CACNA1A: variants seen among roughly 807,000 people sequenced by gnomAD.
The protein encoded by CACNA1A is voltage-dependent P/Q-type calcium channel subunit alpha-1A.
In CACNA1A, 57 loss-of-function variants were observed where a neutral mutation model predicts 262.4. The ratio of observed to expected loss-of-function variants is 0.22; its 90% CI spans 0.18 to 0.27. The LOEUF is 0.27. CACNA1A is among the 10% of genes least tolerant of loss of function. The pLI, the probability that CACNA1A is intolerant of heterozygous loss-of-function variation, is 1.00. For missense variants in CACNA1A, 2,526 were observed against 3,562.8 expected (o/e 0.71, Z 7.41); for synonymous variants, 1,431 against 1,419.3 (o/e 1.01, Z -0.18).
Position 13,506,207 on chromosome 19 carries a change from G to A in CACNA1A, c.18C>T (p.Asp6=). The part of the protein sequence containing the change: MARFG[D]EMPARYGGGG... ...CTCCCCCGTAGCGGGCCGGCATCTC[G>A]TCTCCGAAGCGGGCCATTCTGCAAA... Residue 6 remains aspartate, a synonymous_variant, in exon 1 of 47, where the codon GAC becomes GAT. Coordinates refer to ENST00000360228, the MANE Select transcript of CACNA1A (RefSeq NM_001127222.2). 2.0e-6 allele frequency: 3 copies of A among 1,490,018 alleles called. No individual in the cohort carries two copies. Among genetic ancestry groups the A allele is most frequent in the Non-Finnish European group, 8.9e-7 (1 of 1,126,534 alleles). The allele number at this position is 1,490,018 out of a possible 1,614,324, so 92.3% of individuals were successfully genotyped here. A position where few individuals can be genotyped will look rare whatever the true frequency, so the allele number is the denominator to read the frequency against.
At chr19:13,228,794 C>A (rs141565870) in intron 36 of CACNA1A, 1 of 1,572,256 alleles carries the variant, frequency 6.4e-7, no homozygotes, top group East Asian at 2.4e-5. Flanking sequence ...TGAATCCGAC[C>A]GCTGAAAGGA....
chr19:13,381,222 TA>T (rs1176383658), intron 3 of CACNA1A, among the ~76,000 whole-genome samples: 1 of 151,336 alleles, frequency 6.6e-6, no homozygotes, highest in African/African-American at 2.4e-5. Flanking sequence ...TTGTCGCTAT[TA>T]AAAAAAATAA....
chr19:13,246,635 T>G (rs4926241), intron 30 of CACNA1A, among the ~76,000 whole-genome samples: 67,384 of 131,658 alleles, frequency 0.51, 15,308 homozygotes, highest in Middle Eastern at 0.59. Flanking sequence ...CTGTTTGTTT[T>G]TTTTTTTTGA....
intron 40 of CACNA1A, chr19:13,213,667 A>C (rs2054897022): frequency 7.3e-6 from 1 of 136,444 alleles, no homozygotes; most frequent in Non-Finnish European, 1.5e-5. Context: ...TGTCCTTGGC[A>C]AGAACTTTTT....
intron 4 of CACNA1A, among the ~76,000 whole-genome samples, chr19:13,367,755 C>A (rs1442831599): frequency 6.6e-6 from 1 of 151,926 alleles, no homozygotes; most frequent in Non-Finnish European, 1.5e-5. Flanking sequence ...GGAACAGTCC[C>A]CGAAGGGACA....
intron 19 of CACNA1A, among the ~76,000 whole-genome samples, chr19:13,297,305 C>CT (rs2057684111): frequency 6.6e-6 from 1 of 152,302 alleles, no homozygotes; most frequent in Admixed American, 6.5e-5. Flanking sequence ...AATAGTTTCC[C>CT]TGAAATGCTC....
chr19:13,240,585 G>A (rs930840609), intron 31 of CACNA1A, among the ~76,000 whole-genome samples: 9 of 151,428 alleles, frequency 5.9e-5, no homozygotes, highest in South Asian at 4.2e-4. Flanking sequence ...CAGTTTCTGC[G>A]TGCAGTGACT....
chr19:13,254,365 T>C (rs889605266), intron 29 of CACNA1A, among the ~76,000 whole-genome samples: 53 of 151,832 alleles, frequency 3.5e-4, no homozygotes, highest in Non-Finnish European at 6.6e-4. Flanking sequence ...TTCTTTTTCT[T>C]TTCTTTTTTT....
intron 6 of CACNA1A, among the ~76,000 whole-genome samples, chr19:13,356,588 G>A (rs972398823): frequency 2.0e-5 from 3 of 152,088 alleles, no homozygotes; most frequent in African/African-American, 7.2e-5. Flanking sequence ...CACTGGGCAC[G>A]CCCCCAGCAT....
Position 13,212,461 on chromosome 19 carries a change from TCTC to T in CACNA1A, c.6109_6111del (p.Glu2037del). On this transcript the variant is annotated inframe_deletion, in exon 42 of 47. Transcript: ENST00000360228. The surrounding 1 kb of genome is among the most constrained non-coding windows in gnomAD (Gnocchi z 5.6). ...CTCCATGTGCCCGTCTTCTGGAACA[TCTC>T]CTGGGCACGCTGGGTCACCCAGGAC... 3 of 1,607,210 alleles carry T rather than the reference TCTC, an allele frequency of 1.9e-6. No homozygotes were observed. The highest frequency in any genetic ancestry group is 8.5e-7 in the Non-Finnish European group (1 of 1,177,082).
chr19:13,332,829 C>A (rs2145125672), intron 9 of CACNA1A, 40 bp downstream of exon 9: 1 of 1,433,042 alleles, frequency 7.0e-7, no homozygotes, highest in Admixed American at 1.7e-5. Flanking sequence ...TCTCCCTTCT[C>A]CCCTGGGACC....
chr19:13,458,901 G>T (rs991342639), intron 1 of CACNA1A, among the ~76,000 whole-genome samples: 1 of 152,206 alleles, frequency 6.6e-6, no homozygotes, highest in Non-Finnish European at 1.5e-5. Flanking sequence ...GAGTGAAAAA[G>T]CCATAGGGTG....
At chr19:13,287,903 A>G (rs1338401864) in intron 19 of CACNA1A, among the ~76,000 whole-genome samples, 3 of 149,686 alleles carry the variant, frequency 2.0e-5, no homozygotes, top group Non-Finnish European at 3.0e-5. Flanking sequence ...TCTGGGCTCC[A>G]GTGATCCTCC....
At chr19:13,389,987 T>G (rs1294193732) in intron 3 of CACNA1A, among the ~76,000 whole-genome samples, 1 of 150,500 alleles carries the variant, frequency 6.6e-6, no homozygotes, top group African/African-American at 2.5e-5. Context: ...TAATTTTTTT[T>G]TATTTTTAGT....
At chr19:13,390,175 G>A (rs769789873) in intron 3 of CACNA1A, among the ~76,000 whole-genome samples, 5 of 151,652 alleles carry the variant, frequency 3.3e-5, no homozygotes, top group African/African-American at 7.3e-5. Context: ...GGAGTGCAGC[G>A]GTGCGCTCAT....
At chr19:13,268,582 A>G (rs377047076) in intron 24 of CACNA1A, among the ~76,000 whole-genome samples, 125 of 151,554 alleles carry the variant, frequency 8.2e-4, no homozygotes, top group African/African-American at 8.0e-4. Context: ...ACAGGCGCCC[A>G]CCACCACGCC....
intron 6 of CACNA1A, among the ~76,000 whole-genome samples, chr19:13,338,986 C>T (rs1439536914): frequency 1.3e-5 from 2 of 152,128 alleles, no homozygotes; most frequent in Admixed American, 1.3e-4. Flanking sequence ...TTGCCTCAGC[C>T]TCCTGAGTAG....
intron 10 of CACNA1A, among the ~76,000 whole-genome samples, chr19:13,325,052 C>A (rs1465469428): frequency 6.6e-6 from 1 of 150,684 alleles, no homozygotes; most frequent in Non-Finnish European, 1.5e-5. Flanking sequence ...TCTTCCTCTT[C>A]CCCTTCCCCT....
Position 13,391,953 on chromosome 19 carries a change from C to T in CACNA1A, c.540-20174G>A, listed in dbSNP as rs544670492. On this transcript the variant is annotated intron_variant, in intron 3 of 46. Transcript: ENST00000360228. Reference sequence around the variant, plus strand: ...TCGGGAGGCTGAGGTGGGAGAATCGCATGAGCCCGGGAGGTCAAGGCTGCA... The same window carrying T: ...TCGGGAGGCTGAGGTGGGAGAATCGTATGAGCCCGGGAGGTCAAGGCTGCA... Among the ~76,000 whole-genome samples the T allele has an allele frequency of 2.7e-5, 4 of 149,124 alleles. No homozygotes were observed. The South Asian group carries it at 8.4e-4, about 31-fold the overall frequency.
Sources: allele counts gnomAD v4.1 joint callset (sites outside exome capture counted in the v4.1 genomes callset), GRCh38; gene constraint gnomAD v4.1.1; non-coding constraint Gnocchi (gnomAD v3.1); transcripts MANE v1.5; gene names NCBI Gene and HGNC (gene_info 2026-07-23, HGNC 2026-07-21).